The following FOXP2 variants were observed in gnomAD, a reference collection of about 807,000 sequenced individuals.
FOXP2 encodes the protein forkhead box protein P2.
In FOXP2, 12 loss-of-function variants were observed where a neutral mutation model predicts 115.8. The ratio of observed to expected loss-of-function variants is 0.10; its 90% confidence interval spans 0.07 to 0.17. The LOEUF is 0.17. Ranked by LOEUF, FOXP2 falls within the 10% of genes least tolerant of loss-of-function variation. The pLI, the probability that FOXP2 is intolerant of heterozygous loss-of-function variation, is 1.00. For synonymous variants in FOXP2, 328 were observed against 297.7 expected (o/e 1.10, Z -1.05); for missense variants, 629 against 843.5 (o/e 0.75, Z 3.15).
At chr7:114,188,952 T>C (rs1272292059) in intron 1 of FOXP2, among the ~76,000 whole-genome samples, 1 of 152,220 alleles carries the variant, frequency 6.6e-6, no homozygotes, top group African/African-American at 2.4e-5. Flanking sequence ...CCATAACATT[T>C]AAATTCTGAA....
intron 2 of FOXP2, among the ~76,000 whole-genome samples, chr7:114,364,122 G>T (rs2129188087): frequency 6.6e-6 from 1 of 152,232 alleles, no homozygotes; most frequent in South Asian, 2.1e-4. Context: ...TCATTGTAAT[G>T]ATGGTAGTGT....
chr7:114,222,170 T>C (rs1794640581), intron 1 of FOXP2, among the ~76,000 whole-genome samples: 1 of 152,196 alleles, frequency 6.6e-6, no homozygotes, highest in Non-Finnish European at 1.5e-5. Context: ...TTTTATTTCT[T>C]TGTTCAGACA....
intron 1 of FOXP2, among the ~76,000 whole-genome samples, chr7:114,279,277 T>C (rs1333775043): frequency 1.3e-5 from 2 of 152,126 alleles, no homozygotes; most frequent in Non-Finnish European, 2.9e-5. Context: ...CTGAGAGAGC[T>C]GATAGTAGAG....
intron 2 of FOXP2, among the ~76,000 whole-genome samples, chr7:114,453,289 C>T (rs939700074): frequency 2.6e-5 from 4 of 152,034 alleles, no homozygotes; most frequent in African/African-American, 9.7e-5. Context: ...GGGTCCCTTA[C>T]GTTAGAAACA....
chr7:114,533,407 G>A (rs760772204), intron 2 of FOXP2, among the ~76,000 whole-genome samples: 6 of 151,868 alleles, frequency 4.0e-5, no homozygotes, highest in Non-Finnish European at 8.8e-5. Context: ...CAATGCAGTA[G>A]TTCAAACATT....
At chr7:114,333,473 C>A (rs1029297106) in intron 2 of FOXP2, among the ~76,000 whole-genome samples, 1 of 152,142 alleles carries the variant, frequency 6.6e-6, no homozygotes, top group Non-Finnish European at 1.5e-5. Flanking sequence ...TTTATGAGGC[C>A]AAGTGTGGGT....
chr7:114,604,623 G>T (rs918991722), intron 3 of FOXP2, among the ~76,000 whole-genome samples: 3 of 152,096 alleles, frequency 2.0e-5, no homozygotes, highest in Non-Finnish European at 4.4e-5. Flanking sequence ...TTTAAGGCTG[G>T]TAGAGATATC....
chr7:114,317,279 A>G (rs553264874), intron 2 of FOXP2, among the ~76,000 whole-genome samples: 3 of 152,316 alleles, frequency 2.0e-5, no homozygotes, highest in Non-Finnish European at 4.4e-5. Flanking sequence ...TTATCTTGGT[A>G]TAACAGTGGA....
chr7:114,378,688 A>AG (rs1338820949), intron 2 of FOXP2, among the ~76,000 whole-genome samples: 2 of 144,076 alleles, frequency 1.4e-5, no homozygotes, highest in Non-Finnish European at 3.0e-5. Context: ...TGTCTCCAAA[A>AG]AAAAAAAAAA....
rs186819546 is a variant in FOXP2 at position 114,169,133 on chromosome 7, C to A, written c.-102+6045C>A. Among the ~76,000 whole-genome samples the A allele has an allele frequency of 9.1e-5, 13 of 142,186 alleles. No individual in the cohort carries two copies. The East Asian group carries it at 2.6e-3, about 29-fold the overall frequency. The allele number at this position is 142,186 out of a possible 152,430, so 93.3% of individuals were successfully genotyped here. A position where few individuals can be genotyped will look rare whatever the true frequency, so the allele number is the denominator to read the frequency against. ...AAGGGAAATGTGGGGTCAGAGCCCC[C>A]ACACAGAGTCCCTACTGGTGCACTG... On this transcript the variant is annotated intron_variant, in intron 1 of 17. Coordinates refer to the FOXP2 transcript ENST00000634411.
chr7:114,187,314 T>C (rs1322553062), intron 1 of FOXP2, among the ~76,000 whole-genome samples: 1 of 152,208 alleles, frequency 6.6e-6, no homozygotes, highest in Non-Finnish European at 1.5e-5. Context: ...ACTGAGCTGC[T>C]TAGATAATTC....
chr7:114,667,172 C>G (rs1179430875), intron 16 of FOXP2: 1 of 152,118 alleles, frequency 6.6e-6, no homozygotes, highest in Non-Finnish European at 1.5e-5. Context: ...GCCAGTAATC[C>G]CAGCATTTTG....
At chr7:114,185,352 A>G (rs758373996) in intron 1 of FOXP2, among the ~76,000 whole-genome samples, 1 of 152,124 alleles carries the variant, frequency 6.6e-6, no homozygotes, top group Non-Finnish European at 1.5e-5. Context: ...CCGTTCTGAC[A>G]ATGACCAGGT....
At chr7:114,327,836 T>A (rs1015407581) in intron 2 of FOXP2, among the ~76,000 whole-genome samples, 1 of 151,686 alleles carries the variant, frequency 6.6e-6, no homozygotes, top group Admixed American at 6.6e-5. Context: ...GTCTTTTTTT[T>A]TCTTTTCTTT....
intron 3 of FOXP2, chr7:114,570,728 A>C: frequency 9.3e-7 from 1 of 1,075,532 alleles, no homozygotes; most frequent in Non-Finnish European, 1.4e-6. Flanking sequence ...ATGATTTTTA[A>C]AAATGATAAT....
intron 2 of FOXP2, among the ~76,000 whole-genome samples, chr7:114,394,547 A>C (rs1239749742): frequency 6.6e-6 from 1 of 152,116 alleles, no homozygotes; most frequent in African/African-American, 2.4e-5. Flanking sequence ...AAGTAACTGC[A>C]GTGGAGAAGC....
chr7:114,307,424 A>G (rs1609068), intron 2 of FOXP2, among the ~76,000 whole-genome samples: 11,434 of 152,144 alleles, frequency 0.075, 1,042 homozygotes, highest in African/African-American at 0.22. Context: ...ATGGACTTTA[A>G]ACAGATACAC....
Position 114,217,896 on chromosome 7 carries a change from A to C in FOXP2, c.-102+54808A>C, listed in dbSNP as rs185827640. Among the ~76,000 whole-genome samples the C allele has an allele frequency of 7.0e-4, 106 of 152,316 alleles. 3 individuals are homozygous for C. In the South Asian group the frequency reaches 0.021, roughly 30 times the overall value. On this transcript the variant is annotated intron_variant, in intron 1 of 17. Coordinates refer to the FOXP2 transcript ENST00000634411. Reference sequence around the variant, plus strand: ...AATAAAAACTACTTTAATTTTAGCAAGTATCCCAATAGTGTTGTCTACTGA... The same window carrying C: ...AATAAAAACTACTTTAATTTTAGCACGTATCCCAATAGTGTTGTCTACTGA...
chr7:114,598,976 G>T (rs1380033714), intron 3 of FOXP2, among the ~76,000 whole-genome samples: 2 of 152,082 alleles, frequency 1.3e-5, no homozygotes, highest in African/African-American at 4.8e-5. Flanking sequence ...CATTCTTATA[G>T]ATTGTAGATT....
Sources: allele counts gnomAD v4.1 joint callset (sites outside exome capture counted in the v4.1 genomes callset), GRCh38; gene constraint gnomAD v4.1.1; transcripts MANE v1.5; gene names NCBI Gene and HGNC (gene_info 2026-07-23, HGNC 2026-07-21).